The following DENND5A variants were observed in gnomAD, a reference collection of about 807,000 sequenced individuals.
DENND5A encodes DENN domain-containing protein 5A.
DENND5A carries 64 observed loss-of-function variants against 140.3 expected under a neutral mutation model. The observed-to-expected ratio is 0.46, with a 90% CI of 0.37 to 0.56. The LOEUF (loss-of-function observed/expected upper bound fraction) is 0.56, where lower values mean the gene tolerates loss of function less well. Ranked by LOEUF, DENND5A falls within the 20% of genes least tolerant of loss-of-function variation. DENND5A has a pLI of 0.00. For synonymous variants in DENND5A, 605 were observed against 607.7 expected (o/e 1.00, Z 0.07); for missense variants, 1,292 against 1,593.8 (o/e 0.81, Z 3.22).
Position 9,203,739 on chromosome 11 carries a change from A to C in DENND5A, c.870T>G (p.Phe290Leu). 1 of 1,614,220 alleles carries C rather than the reference A, an allele frequency of 6.2e-7. No homozygotes were observed. The highest frequency in any genetic ancestry group is 8.5e-7 in the Non-Finnish European group (1 of 1,180,034). ...PLFDFPVKEVFELLGVENVFQ... is the reference protein window; with the variant it reads ...PLFDFPVKEVLELLGVENVFQ... Reference sequence around the variant, plus strand: ...ACACATTCTCCACCCCGAGCAGTTCAAAAACCTCTTTGACAGGAAAGTCAA... The same window carrying C: ...ACACATTCTCCACCCCGAGCAGTTCCAAAACCTCTTTGACAGGAAAGTCAA... Residue 290 changes from phenylalanine (F) to leucine (L), a missense_variant, in exon 4 of 23, where the codon TTT (phenylalanine) becomes TTG (leucine). Phe to Leu is a conservative substitution (Grantham distance 22, BLOSUM62 0). Around this residue, in one of 4 missense-constraint regions of DENND5A, gnomAD observed 566 missense variants for 650.4 expected, o/e 0.87. Transcript: ENST00000328194.
At chr11:9,250,005 C>T (rs1287557864) in intron 1 of DENND5A, among the ~76,000 whole-genome samples, 1 of 149,976 alleles carries the variant, frequency 6.7e-6, no homozygotes, top group Non-Finnish European at 1.5e-5. Flanking sequence ...CTTTCTAAAC[C>T]ATTTCCTCTT....
At chr11:9,222,180 G>A (rs923799408) in intron 1 of DENND5A, among the ~76,000 whole-genome samples, 2 of 152,116 alleles carry the variant, frequency 1.3e-5, no homozygotes, top group Non-Finnish European at 2.9e-5. Context: ...CCTAGCTTTA[G>A]CAATTATCAA....
intron 1 of DENND5A, among the ~76,000 whole-genome samples, chr11:9,220,844 G>T (rs1850282731): frequency 6.6e-6 from 1 of 151,914 alleles, no homozygotes; most frequent in South Asian, 2.1e-4. Context: ...AGTAAGCTGA[G>T]ATCGCACCAC....
chr11:9,143,019 G>C, intron 20 of DENND5A, 174 bp from the exon 21 acceptor site: 1 of 718,184 alleles, frequency 1.4e-6, no homozygotes, highest in Non-Finnish European at 2.2e-6. Context: ...TCCCAGTGAA[G>C]AGCTGCTGAA....
At chr11:9,192,532 G>GCAGGAGAA (rs987261824) in intron 5 of DENND5A, among the ~76,000 whole-genome samples, 5 of 152,014 alleles carry the variant, frequency 3.3e-5, no homozygotes, top group Admixed American at 6.6e-5. Context: ...GGAGACTGAA[G>GCAGGAGAA]CAGGAGAATC....
chr11:9,192,774 G>C (rs1849181276), intron 5 of DENND5A, among the ~76,000 whole-genome samples: 1 of 152,112 alleles, frequency 6.6e-6, no homozygotes, highest in Non-Finnish European at 1.5e-5. Flanking sequence ...GAAATTCAAA[G>C]TAGGAAAGCA....
intron 5 of DENND5A, among the ~76,000 whole-genome samples, chr11:9,187,510 T>C (rs993465808): frequency 6.6e-6 from 1 of 152,098 alleles, no homozygotes; most frequent in Non-Finnish European, 1.5e-5. Flanking sequence ...CAATTCCTAA[T>C]ACCAAAAAAC....
intron 1 of DENND5A, among the ~76,000 whole-genome samples, chr11:9,220,792 C>A (rs1277863910): frequency 6.6e-6 from 1 of 151,946 alleles, no homozygotes; most frequent in Non-Finnish European, 1.5e-5. Context: ...ACTGGGGAGG[C>A]TGAGGTACGA....
At chr11:9,193,752 T>TAC (rs1291295844) in intron 4 of DENND5A, 71 bp from the exon 5 acceptor site, 1 of 1,330,116 alleles carries the variant, frequency 7.5e-7, no homozygotes, top group East Asian at 2.4e-5. Flanking sequence ...TTCCAAACAG[T>TAC]AAGTTAAAAC....
At chr11:9,166,866 T>C (rs964905084) in intron 10 of DENND5A, among the ~76,000 whole-genome samples, 7 of 151,318 alleles carry the variant, frequency 4.6e-5, no homozygotes, top group Non-Finnish European at 8.8e-5. Flanking sequence ...TTTAAAAAAT[T>C]AAATTAAAAA....
intron 1 of DENND5A, among the ~76,000 whole-genome samples, chr11:9,259,987 C>A (rs1852120707): frequency 7.1e-6 from 1 of 141,246 alleles, no homozygotes. Context: ...GAGATCACGC[C>A]ATTGCACTCC....
intron 10 of DENND5A, among the ~76,000 whole-genome samples, chr11:9,169,529 A>ACACACAC (rs1554916423): frequency 1.3e-5 from 2 of 150,602 alleles, no homozygotes; most frequent in African/African-American, 4.9e-5. Flanking sequence ...ACACACACAC[A>ACACACAC]AAACTCACAC....
At chr11:9,221,948 GA>G (rs1241036143) in intron 1 of DENND5A, among the ~76,000 whole-genome samples, 1 of 151,736 alleles carries the variant, frequency 6.6e-6, no homozygotes, top group Non-Finnish European at 1.5e-5. Context: ...TAGTAGAGAT[GA>G]GGTTTCACAG....
chr11:9,259,210 A>T (rs1176794234), intron 1 of DENND5A, among the ~76,000 whole-genome samples: 1 of 151,946 alleles, frequency 6.6e-6, no homozygotes, highest in African/African-American at 2.4e-5. Flanking sequence ...CAGTGAGCTG[A>T]GGTCGTGCCA....
intron 4 of DENND5A, among the ~76,000 whole-genome samples, chr11:9,202,302 C>G (rs1849548607): frequency 6.6e-6 from 1 of 152,028 alleles, no homozygotes; most frequent in South Asian, 2.1e-4. Flanking sequence ...ACCAGAGAAA[C>G]TTTAATATAG....
At chr11:9,222,049 G>A (rs987487447) in intron 1 of DENND5A, among the ~76,000 whole-genome samples, 3 of 152,160 alleles carry the variant, frequency 2.0e-5, no homozygotes, top group Non-Finnish European at 2.9e-5. Flanking sequence ...GAGCCACTGC[G>A]CTTGGCAAGA....
At chr11:9,206,884 G>A in intron 2 of DENND5A, 102 bp from the exon 3 acceptor site, 1 of 808,316 alleles carries the variant, frequency 1.2e-6, no homozygotes, top group Non-Finnish European at 2.1e-6. Flanking sequence ...CAGAAATGAA[G>A]GCAAGGGGGT....
intron 1 of DENND5A, chr11:9,242,898 G>C (rs1165690825): frequency 6.6e-6 from 1 of 151,694 alleles, no homozygotes; most frequent in Non-Finnish European, 1.5e-5. Flanking sequence ...GACCAGCCTG[G>C]CCAACATAGT....
At chr11:9,212,340 T>C (rs1382365328) in intron 1 of DENND5A, among the ~76,000 whole-genome samples, 6 of 152,080 alleles carry the variant, frequency 3.9e-5, no homozygotes, top group Non-Finnish European at 8.8e-5. Flanking sequence ...ATAGAAAGAA[T>C]GAGGCAGAAA....
Sources: gnomAD v4.1 joint callset for allele counts (sites outside exome capture counted in the v4.1 genomes callset) on GRCh38, gnomAD v4.1.1 for gene constraint, gnomAD v4.1.1 regional missense constraint, MANE v1.5 for transcripts, NCBI Gene and HGNC (gene_info 2026-07-23, HGNC 2026-07-21) for gene names.